The following PTPRT variants were observed in gnomAD, a reference collection of about 807,000 sequenced individuals.
The protein encoded by PTPRT is protein tyrosine phosphatase receptor type T, also known as receptor-type tyrosine-protein phosphatase T.
Under a neutral mutation model 176.8 loss-of-function variants are expected in PTPRT, and 56 were observed. The observed-to-expected ratio is 0.32, with a 90% CI of 0.26 to 0.40. The LOEUF (loss-of-function observed/expected upper bound fraction) is 0.40, where lower values mean the gene tolerates loss of function less well. PTPRT is among the 10% of genes least tolerant of loss of function. The probability of loss-of-function intolerance (pLI) is 1.00; values close to 1 mark genes in which losing one functional copy is unlikely to be tolerated. For synonymous variants in PTPRT, 783 were observed against 739.0 expected, an observed-to-expected ratio of 1.06 and a Z score of -0.96; for missense variants, 1,540 against 1,908.2, an observed-to-expected ratio of 0.81 and a Z score of 3.60.
intron 29 of PTPRT, among the ~76,000 whole-genome samples, chr20:42,083,324 G>A (rs940732064): frequency 2.6e-5 from 4 of 152,168 alleles, no homozygotes; most frequent in African/African-American, 9.7e-5. Flanking sequence ...CTGAATGTGT[G>A]GGAGGCATCT....
chr20:43,148,144 C>T (rs1215235717), intron 1 of PTPRT, among the ~76,000 whole-genome samples: 2 of 152,106 alleles, frequency 1.3e-5, no homozygotes, highest in African/African-American at 4.8e-5. Context: ...CCATGTTTAA[C>T]CTCATCTTGG....
intron 27 of PTPRT, among the ~76,000 whole-genome samples, chr20:42,093,698 T>A (rs1984881713): frequency 6.6e-6 from 1 of 152,216 alleles, no homozygotes; most frequent in African/African-American, 2.4e-5. Flanking sequence ...AATGCTCAGG[T>A]CCTAAGGCAG....
chr20:42,197,081 C>G (rs1305426847), intron 16 of PTPRT, among the ~76,000 whole-genome samples: 1 of 152,110 alleles, frequency 6.6e-6, no homozygotes, highest in African/African-American at 2.4e-5. Flanking sequence ...CAGCCCTAGA[C>G]TTTAAAAAAA....
At chr20:42,051,729 T>A in the PTPRT span, among the ~76,000 whole-genome samples, 16 of 152,368 alleles carry the variant, frequency 1.1e-4, no homozygotes, top group African/African-American at 3.6e-4. Flanking sequence ...CGTCAATCAT[T>A]GGTGCATGTG....
At chr20:42,510,247 G>A (rs1023545065) in intron 7 of PTPRT, among the ~76,000 whole-genome samples, 1 of 152,010 alleles carries the variant, frequency 6.6e-6, no homozygotes, top group African/African-American at 2.4e-5. Flanking sequence ...AATGCCCCAG[G>A]AAGAATTGGC....
chr20:42,470,904 C>T (rs1022974483), intron 8 of PTPRT, among the ~76,000 whole-genome samples: 7 of 151,822 alleles, frequency 4.6e-5, no homozygotes, highest in African/African-American at 1.7e-4. Flanking sequence ...GGAAGCATAC[C>T]CATTAGAAAT....
chr20:42,815,831 A>G (rs76371604), intron 2 of PTPRT, among the ~76,000 whole-genome samples: 1 of 152,224 alleles, frequency 6.6e-6, no homozygotes, highest in Non-Finnish European at 1.5e-5. Context: ...ATCTTTAGTC[A>G]AAAATTGTAT....
At chr20:42,829,471 C>T (rs1386370822) in intron 2 of PTPRT, among the ~76,000 whole-genome samples, 1 of 152,136 alleles carries the variant, frequency 6.6e-6, no homozygotes, top group Non-Finnish European at 1.5e-5. Flanking sequence ...CTCACACCAG[C>T]AATCCCAGCA....
intron 7 of PTPRT, among the ~76,000 whole-genome samples, chr20:42,556,027 A>G (rs1000053608): frequency 6.6e-6 from 1 of 152,224 alleles, no homozygotes; most frequent in Non-Finnish European, 1.5e-5. Flanking sequence ...AGATAAGATG[A>G]TAAAACTGAG....
At chr20:42,290,866 T>C (rs753063400) in intron 12 of PTPRT, among the ~76,000 whole-genome samples, 12 of 152,032 alleles carry the variant, frequency 7.9e-5, no homozygotes, top group East Asian at 1.9e-4. Flanking sequence ...AAATGTCTCA[T>C]AGCTGCTGTT....
At chr20:42,897,174 T>C (rs2079316925) in intron 1 of PTPRT, among the ~76,000 whole-genome samples, 1 of 152,150 alleles carries the variant, frequency 6.6e-6, no homozygotes, top group African/African-American at 2.4e-5. Context: ...ACTCAACAGA[T>C]ACAAACAATA....
chr20:43,005,190 T>C (rs1267752025), intron 1 of PTPRT, among the ~76,000 whole-genome samples: 1 of 152,122 alleles, frequency 6.6e-6, no homozygotes, highest in Non-Finnish European at 1.5e-5. Flanking sequence ...TCTTCCTCCA[T>C]TGGTTTCTTA....
chr20:42,044,279 G>A, the PTPRT span, among the ~76,000 whole-genome samples: 1 of 152,208 alleles, frequency 6.6e-6, no homozygotes, highest in Non-Finnish European at 1.5e-5. Context: ...GCCTTGTGCT[G>A]GTGTTTGGAG....
chr20:42,271,508 T>C (rs905947424), intron 13 of PTPRT, among the ~76,000 whole-genome samples: 4 of 152,228 alleles, frequency 2.6e-5, no homozygotes, highest in African/African-American at 7.2e-5. Context: ...TGTAGTCTCC[T>C]TGAAAGCAGA....
rs1310624706 is a variant in PTPRT at position 42,659,457 on chromosome 20, T to C, written c.1153+18409A>G. Among the ~76,000 whole-genome samples, 5 of 152,206 alleles carry C rather than the reference T, an allele frequency of 3.3e-5. No individual in the cohort carries two copies. In the East Asian group the frequency reaches 7.7e-4, roughly 23 times the overall value. ...CTTGATAGCCACACCTAATTAAGAA[T>C]GTACACTCATCCACTCTTCAAACTA... On this transcript the variant is annotated intron_variant, in intron 7 of 30. Transcript: ENST00000373187.
intron 1 of PTPRT, among the ~76,000 whole-genome samples, chr20:43,034,261 T>C (rs1480372880): frequency 1.3e-5 from 2 of 152,244 alleles, no homozygotes; most frequent in South Asian, 2.1e-4. Flanking sequence ...TGGCATAAAG[T>C]TCAGGACCAA....
intron 1 of PTPRT, among the ~76,000 whole-genome samples, chr20:43,133,441 GT>G (rs1199667525): frequency 2.0e-5 from 3 of 152,154 alleles, no homozygotes; most frequent in Non-Finnish European, 4.4e-5. Flanking sequence ...AATGTCAATG[GT>G]TGTTAAAAGC....
chr20:42,820,667 T>G (rs2077876314), intron 2 of PTPRT, among the ~76,000 whole-genome samples: 1 of 151,250 alleles, frequency 6.6e-6, no homozygotes, highest in Non-Finnish European at 1.5e-5. Flanking sequence ...ATATCACTAG[T>G]TAGACTAATA....
intron 12 of PTPRT, among the ~76,000 whole-genome samples, chr20:42,308,412 G>A (rs1364008784): frequency 1.3e-5 from 2 of 152,020 alleles, no homozygotes; most frequent in African/African-American, 4.8e-5. Context: ...CATCAGCTGG[G>A]ACACAGACAC....
Sources: gnomAD v4.1 joint callset for allele counts (sites outside exome capture counted in the v4.1 genomes callset) on GRCh38, gnomAD v4.1.1 for gene constraint, MANE v1.5 for transcripts, NCBI Gene and HGNC (gene_info 2026-07-23, HGNC 2026-07-21) for gene names.